The following HDAC9 variants were observed in gnomAD, a reference collection of about 807,000 sequenced individuals.
HDAC9 encodes MEF-2 interacting transcription repressor (MITR) protein.
In HDAC9, 41 loss-of-function variants were observed where a neutral mutation model predicts 139.4. The observed-to-expected ratio is 0.29, with a 90% CI of 0.23 to 0.38. The LOEUF is 0.38. HDAC9 is among the 10% of genes least tolerant of loss of function. The pLI, the probability that HDAC9 is intolerant of heterozygous loss-of-function variation, is 1.00. For missense variants in HDAC9, 1,147 were observed against 1,297.0 expected (o/e 0.88, Z 1.78); for synonymous variants, 517 against 476.2 (o/e 1.09, Z -1.12).
intron 2 of HDAC9, among the ~76,000 whole-genome samples, chr7:18,206,448 A>G (rs1211823337): frequency 6.6e-6 from 1 of 152,186 alleles, no homozygotes; most frequent in South Asian, 2.1e-4. Context: ...GCAGGGCCTC[A>G]GTGACGTAAA....
chr7:18,516,662 A>T (rs1803294400), intron 2 of HDAC9, among the ~76,000 whole-genome samples: 1 of 152,146 alleles, frequency 6.6e-6, no homozygotes, highest in African/African-American at 2.4e-5. Context: ...GAGTTTTGAG[A>T]ACAGCCTGGC....
At chr7:18,621,863 T>G (rs983690974) in intron 6 of HDAC9, among the ~76,000 whole-genome samples, 2 of 152,222 alleles carry the variant, frequency 1.3e-5, no homozygotes, top group African/African-American at 4.8e-5. Flanking sequence ...GTATTTTGAT[T>G]AACTAGACTG....
intron 2 of HDAC9, among the ~76,000 whole-genome samples, chr7:18,208,424 G>C (rs1791699560): frequency 1.4e-5 from 2 of 147,762 alleles, no homozygotes; most frequent in Admixed American, 6.8e-5. Flanking sequence ...CCAGGCTGGA[G>C]TACAGTGGCA....
chr7:18,669,661 A>T (rs148057585), intron 12 of HDAC9, among the ~76,000 whole-genome samples: 96 of 152,008 alleles, frequency 6.3e-4, no homozygotes, highest in African/African-American at 2.2e-3. Context: ...GGTACCAGAG[A>T]TCCTAAAGTA....
intron 1 of HDAC9, among the ~76,000 whole-genome samples, chr7:18,430,152 A>C (rs767334715): frequency 1.3e-5 from 2 of 152,170 alleles, no homozygotes; most frequent in Non-Finnish European, 2.9e-5. Flanking sequence ...AAATTGACCC[A>C]ATTTGAATTT....
At chr7:18,844,049 T>A (rs1796754531) in intron 21 of HDAC9, among the ~76,000 whole-genome samples, 1 of 152,188 alleles carries the variant, frequency 6.6e-6, no homozygotes, top group South Asian at 2.1e-4. Flanking sequence ...ATTTTCCATA[T>A]TTCATCCCAA....
intron 2 of HDAC9, among the ~76,000 whole-genome samples, chr7:18,180,226 T>TACACACACAC (rs67304424): frequency 4.4e-4 from 53 of 120,612 alleles, no homozygotes; most frequent in African/African-American, 8.5e-4. Flanking sequence ...CCAAGACACA[T>TACACACACAC]ACACACACAC....
chr7:18,416,158 TG>T (rs1480657385), intron 1 of HDAC9, among the ~76,000 whole-genome samples: 1 of 152,022 alleles, frequency 6.6e-6, no homozygotes, highest in Non-Finnish European at 1.5e-5. Flanking sequence ...TAGCCGGGCA[TG>T]GTGGCGCATG....
chr7:18,395,765 C>CCGTT (rs1786972144), intron 1 of HDAC9, among the ~76,000 whole-genome samples: 1 of 152,066 alleles, frequency 6.6e-6, no homozygotes, highest in South Asian at 2.1e-4. Flanking sequence ...TCTCCCAAGG[C>CCGTT]CGTTACCTTA....
At chr7:18,182,592 A>C (rs947218962) in intron 2 of HDAC9, among the ~76,000 whole-genome samples, 2 of 152,314 alleles carry the variant, frequency 1.3e-5, no homozygotes, top group Admixed American at 1.3e-4. Context: ...CATTTTCTTT[A>C]TGTCAATGAA....
chr7:18,674,683 A>C (rs1009561281), intron 12 of HDAC9, among the ~76,000 whole-genome samples: 4 of 152,012 alleles, frequency 2.6e-5, no homozygotes, highest in South Asian at 2.1e-4. Flanking sequence ...GGTTAAAGGC[A>C]TTTTCTTCCA....
At chr7:18,097,465 CTT>C (rs34184774) in intron 1 of HDAC9, among the ~76,000 whole-genome samples, 18,751 of 139,786 alleles carry the variant, frequency 0.13, 1,339 homozygotes, top group Admixed American at 0.2. Context: ...ACACTTTTAC[CTT>C]TTTTTTTTTT....
At chr7:18,990,857 G>A (rs1330066479) in intron 25 of HDAC9, among the ~76,000 whole-genome samples, 2 of 152,200 alleles carry the variant, frequency 1.3e-5, no homozygotes, top group Non-Finnish European at 2.9e-5. Flanking sequence ...GAACTCCCTG[G>A]CCCCTTGTGC....
chr7:18,390,658 C>G (rs767360784), intron 1 of HDAC9, among the ~76,000 whole-genome samples: 1 of 152,168 alleles, frequency 6.6e-6, no homozygotes, highest in Non-Finnish European at 1.5e-5. Context: ...AAAGCCTAGT[C>G]CAGCAGCCAG....
rs1795678608 is a variant in HDAC9, at chr7:18,829,203, G to A, written c.2365G>A (p.Glu789Lys). Reference sequence around the variant, plus strand: ...GAGGCCCCCTGGCCATCACGCTGAAGAATCCACAGCCATGTAAGTACCAGG... The same window carrying A: ...GAGGCCCCCTGGCCATCACGCTGAAAAATCCACAGCCATGTAAGTACCAGG... ...VVRPPGHHAE[E>K]STAMGFCFFN... Residue 789 changes from glutamate to lysine, a missense_variant, in exon 18 of 26, where the codon GAA (glutamate) becomes AAA (lysine). Physicochemically the swap from Glu to Lys is moderately conservative, Grantham distance 56 (BLOSUM62 1). Around this residue, in one of 7 missense-constraint regions of HDAC9, gnomAD observed 407 missense variants for 521.5 expected, o/e 0.78. Transcript: ENST00000686413. 6.2e-7 allele frequency: 1 copy of A among 1,612,876 alleles called. No homozygotes were observed.
intron 23 of HDAC9, among the ~76,000 whole-genome samples, chr7:18,946,047 A>T (rs1029270845): frequency 4.5e-5 from 4 of 88,098 alleles, no homozygotes; most frequent in Non-Finnish European, 8.3e-5. Flanking sequence ...AAAAAAAAAA[A>T]AAAAAAAAAA....
In HDAC9 at chr7:18,581,698, C is replaced by G. The variant is rs1161896336; in HGVS notation, c.23-3583C>G. On this transcript the variant is annotated intron_variant, in intron 2 of 25. Coordinates refer to ENST00000686413, the MANE Select transcript of HDAC9 (RefSeq NM_178425.4). Reference sequence around the variant, plus strand: ...ATGTAAAAATGAAATATATCATTAACTGCCATTGCTTTTGGTTGGAATTAT... The same window carrying G: ...ATGTAAAAATGAAATATATCATTAAGTGCCATTGCTTTTGGTTGGAATTAT... Among the ~76,000 whole-genome samples, 7 of 152,236 alleles carry G rather than the reference C, an allele frequency of 4.6e-5. No individual in the cohort carries two copies. In the South Asian group the frequency reaches 1.4e-3, roughly 32 times the overall value.
chr7:18,696,950 A>G (rs1332752806), intron 12 of HDAC9, among the ~76,000 whole-genome samples: 1 of 152,140 alleles, frequency 6.6e-6, no homozygotes, highest in South Asian at 2.1e-4. Flanking sequence ...GATTGCAAAG[A>G]TATCTGTTGG....
chr7:18,866,401 C>T, intron 21 of HDAC9, among the ~76,000 whole-genome samples: 1 of 152,108 alleles, frequency 6.6e-6, no homozygotes, highest in East Asian at 1.9e-4. Context: ...GAACCCTGGC[C>T]TATAACTGAT....
Sources: allele counts gnomAD v4.1 joint callset (sites outside exome capture counted in the v4.1 genomes callset), GRCh38; gene constraint gnomAD v4.1.1; regional missense constraint gnomAD v4.1.1; transcripts MANE v1.5; gene names NCBI Gene and HGNC (gene_info 2026-07-23, HGNC 2026-07-21).